The following TTLL8 variants were observed in gnomAD, a reference collection of about 807,000 sequenced individuals.
TTLL8 encodes tubulin tyrosine ligase like 8.
In TTLL8, 65 loss-of-function variants were observed where a neutral mutation model predicts 77.8. The ratio of observed to expected loss-of-function variants is 0.84; its 90% CI spans 0.68 to 1.03. TTLL8 has a LOEUF of 1.03. TTLL8 is among the 50% of genes least tolerant of loss of function. TTLL8 has a pLI of 0.00. For missense variants in TTLL8, 910 were observed against 1,004.5 expected, an observed-to-expected ratio of 0.91 and a Z score of 1.27; for synonymous variants, 402 against 422.8, an observed-to-expected ratio of 0.95 and a Z score of 0.60.
chr22:50,056,994 G>C (rs552752306), upstream of TTLL8: 10 of 1,287,840 alleles, frequency 7.8e-6, no homozygotes, highest in South Asian at 1.2e-4. The surrounding 1 kb of genome is among the most constrained non-coding windows in gnomAD (Gnocchi z 4.1). Context: ...GGGTGTGGTG[G>C]TTACAGGAAA....
chr22:50,047,925 C>T (rs754105817), intron 3 of TTLL8, among the ~76,000 whole-genome samples: 3 of 152,070 alleles, frequency 2.0e-5, no homozygotes, highest in East Asian at 1.9e-4. Flanking sequence ...TGGTGAAACT[C>T]GTCTCTACTA....
At chr22:50,051,902 C>G (rs1330772824) in intron 1 of TTLL8, among the ~76,000 whole-genome samples, 1 of 152,168 alleles carries the variant, frequency 6.6e-6, no homozygotes, top group Non-Finnish European at 1.5e-5. Flanking sequence ...CAGAAGGAGA[C>G]AAACTGTGCT....
chr22:50,030,564 G>T, exon 12 of TTLL8: 1 of 1,308,302 alleles, frequency 7.6e-7, no homozygotes. Flanking sequence ...ACCGGTGTTT[G>T]GGGCCTGACT....
chr22:50,044,683 G>A lies in TTLL8; in HGVS notation c.643+572C>T, dbSNP rs933278228. On this transcript the variant is annotated intron_variant, in intron 6 of 13. Transcript: ENST00000266182. The surrounding 1 kb of genome is among the most constrained non-coding windows in gnomAD (Gnocchi z 4.2). Reference sequence around the variant, plus strand: ...CACTGCTCTGGTGGGGGATGTTGGCGGTGCAGGAGGCGCGGGGGCAGGAGA... The same window carrying A: ...CACTGCTCTGGTGGGGGATGTTGGCAGTGCAGGAGGCGCGGGGGCAGGAGA... Among the ~76,000 whole-genome samples, 1 of 152,196 alleles carries A rather than the reference G, an allele frequency of 6.6e-6. No homozygotes were observed. Among genetic ancestry groups the A allele is most frequent in the African/African-American group, 2.4e-5 (1 of 41,456 alleles).
chr22:50,047,112 A>G, intron 4 of TTLL8, 56 bp downstream of exon 6: 1 of 1,355,014 alleles, frequency 7.4e-7, no homozygotes, highest in South Asian at 1.2e-5. Flanking sequence ...TGGCTGCAGA[A>G]GCTCCTCCCC....
intron 8 of TTLL8, among the ~76,000 whole-genome samples, chr22:50,036,725 A>C (rs1405849083): frequency 6.6e-6 from 1 of 151,776 alleles, no homozygotes; most frequent in Non-Finnish European, 1.5e-5. Context: ...CAGCCTCCCA[A>C]GTAGCTGGGA....
intron 8 of TTLL8, among the ~76,000 whole-genome samples, chr22:50,035,463 T>C (rs1302489792): frequency 1.3e-5 from 2 of 152,174 alleles, no homozygotes; most frequent in African/African-American, 4.8e-5. Context: ...CGAGAGCCCC[T>C]GTAGGGACAA....
In TTLL8 at chr22:50,034,883, G is replaced by A. The variant is rs982949929; in HGVS notation, c.922-421C>T. Among the ~76,000 whole-genome samples, 56 of 152,300 alleles carry A rather than the reference G, an allele frequency of 3.7e-4. No individual in the cohort carries two copies. The highest frequency in any genetic ancestry group is 1.3e-3 in the African/African-American group (56 of 41,566). ...GCCCAGCTTCCGCCTGTGGTTGGTG[G>A]TGCCTGGGACCGACCCCTGGTAGGA... On this transcript the variant is annotated intron_variant, in intron 8 of 13. Transcript: ENST00000266182. The surrounding 1 kb of genome is among the most constrained non-coding windows in gnomAD (Gnocchi z 4.1).
intron 11 of TTLL8, 42 bp from the exon 13 acceptor site, chr22:50,030,967 G>A (rs1444550701): frequency 7.7e-7 from 1 of 1,297,648 alleles, no homozygotes; most frequent in East Asian, 5.3e-5. Context: ...CTGTGGCCGG[G>A]ATAGGGGGGG....
intron 12 of TTLL8, among the ~76,000 whole-genome samples, chr22:50,020,521 C>T (rs2061188712): frequency 6.6e-6 from 1 of 151,608 alleles, no homozygotes; most frequent in Non-Finnish European, 1.5e-5. Context: ...ACATGCACTC[C>T]TCCATCTGAT....
chr22:50,044,899 C>T lies in TTLL8; in HGVS notation c.643+356G>A, dbSNP rs529595250. Among the ~76,000 whole-genome samples the T allele has an allele frequency of 2.0e-4, 31 of 152,302 alleles. No homozygotes were observed. Among genetic ancestry groups the T allele is most frequent in the African/African-American group, 6.7e-4 (28 of 41,560 alleles). ...GCTTCCTGTGTCCTCTCCCACGGGG[C>T]CCCTTTGGGGAGACTCAGGCTGCGG... On this transcript the variant is annotated intron_variant, in intron 6 of 13. Transcript: ENST00000266182. The surrounding 1 kb of genome is among the most constrained non-coding windows in gnomAD (Gnocchi z 4.2).
intron 6 of TTLL8, among the ~76,000 whole-genome samples, chr22:50,042,550 T>C (rs757112625): frequency 6.6e-6 from 1 of 152,212 alleles, no homozygotes; most frequent in Non-Finnish European, 1.5e-5. Flanking sequence ...AACAAGCATA[T>C]GAACACATGC....
chr22:50,047,262 A>G (rs2061418586), exon 4 of TTLL8: 1 of 1,367,500 alleles, frequency 7.3e-7, no homozygotes. Context: ...GATGGTCCAG[A>G]GGAGGTACGG....
exon 6 of TTLL8, chr22:50,045,321 T>G (rs759637067): frequency 2.9e-6 from 4 of 1,365,170 alleles, no homozygotes; most frequent in Non-Finnish European, 3.9e-6. Flanking sequence ...CTTCTGCTGC[T>G]CCTGCTGCAG....
At chr22:50,047,928 C>G (rs939309437) in intron 3 of TTLL8, among the ~76,000 whole-genome samples, 2 of 152,116 alleles carry the variant, frequency 1.3e-5, no homozygotes, top group African/African-American at 4.8e-5. Context: ...TGAAACTCGT[C>G]TCTACTAAAA....
intron 12 of TTLL8, among the ~76,000 whole-genome samples, chr22:50,029,241 C>T (rs71311681): frequency 6.9e-5 from 2 of 29,094 alleles, no homozygotes; most frequent in Admixed American, 3.8e-4. Context: ...AGACCCCACA[C>T]ACCCTCGTAA....
Position 50,041,879 on chromosome 22 carries a change from T to C in TTLL8, c.644-72A>G, listed in dbSNP as rs538712307. 8.0e-7 allele frequency: 1 copy of C among 1,253,862 alleles called. No homozygotes were observed. Among genetic ancestry groups the C allele is most frequent in the East Asian group, 5.5e-5 (1 of 18,134 alleles). 77.7% of individuals were successfully genotyped at this position (1,253,862 alleles called of 1,614,324 possible). A position where few individuals can be genotyped will look rare whatever the true frequency, so the allele number is the denominator to read the frequency against. ...CAGCCCTGCCCGCCTCGAGGGGTGA[T>C]GTCTAAAGTCATGGACAAAGGCTGC... On this transcript the variant is annotated intron_variant, in intron 6 of 13. Coordinates refer to ENST00000266182, the Ensembl canonical transcript of TTLL8. The surrounding 1 kb of genome is among the most constrained non-coding windows in gnomAD (Gnocchi z 4.3).
In TTLL8 at chr22:50,034,408, C is replaced by A. The variant is rs772242669; in HGVS notation, c.976G>T (p.Gly326Trp). Residue 326 changes from glycine (G) to tryptophan (W), a missense_variant, in exon 9 of 14, where the codon GGG becomes TGG. Physicochemically the swap from Gly to Trp is radical, Grantham distance 184. This residue lies in a region of TTLL8 where 776 missense variants were observed against 926.1 expected (regional missense o/e 0.84). Transcript: ENST00000266182. This position sits in a 1 kb window ranked among gnomAD's most constrained non-coding sequence, Gnocchi z 4.1. Reference sequence around the variant, plus strand: ...TTTATAATCCAGATGTTCCGGAGCCCGTCAATGTCCGTCTGAGGGTTCACA... The same window carrying A: ...TTTATAATCCAGATGTTCCGGAGCCAGTCAATGTCCGTCTGAGGGTTCACA... The A allele has an allele frequency of 7.3e-7, 1 of 1,367,168 alleles. No individual in the cohort carries two copies. Among genetic ancestry groups the A allele is most frequent in the African/African-American group, 1.5e-5 (1 of 67,748 alleles). 84.7% of individuals were successfully genotyped at this position (1,367,168 alleles called of 1,614,324 possible). A position where few individuals can be genotyped will look rare whatever the true frequency, so the allele number is the denominator to read the frequency against.
intron 12 of TTLL8, among the ~76,000 whole-genome samples, chr22:50,023,118 A>C (rs1476654003): frequency 6.6e-6 from 1 of 152,288 alleles, no homozygotes; most frequent in Admixed American, 6.5e-5. Context: ...AAACAATTGG[A>C]AAATAAAATT....
Sources: allele counts gnomAD v4.1 joint callset (sites outside exome capture counted in the v4.1 genomes callset), GRCh38; gene constraint gnomAD v4.1.1; regional missense constraint gnomAD v4.1.1; non-coding constraint Gnocchi (gnomAD v3.1); transcripts MANE v1.5; gene names NCBI Gene and HGNC (gene_info 2026-07-23, HGNC 2026-07-21).